The following SDCCAG8 variants were observed in gnomAD, a reference collection of about 807,000 sequenced individuals.
The protein encoded by SDCCAG8 is serologically defined colon cancer antigen 8.
Under a neutral mutation model 101.8 loss-of-function variants are expected in SDCCAG8, and 74 were observed. That is an observed-to-expected ratio of 0.73 (90% CI 0.60 to 0.88). SDCCAG8 has a LOEUF of 0.88. SDCCAG8 is among the 40% of genes least tolerant of loss of function. The pLI is 0.00. For missense variants in SDCCAG8, 787 were observed against 822.6 expected (o/e 0.96, Z 0.53); for synonymous variants, 281 against 292.9 (o/e 0.96, Z 0.41).
At chr1:243,324,879 C>T (rs980630429) in intron 9 of SDCCAG8, among the ~76,000 whole-genome samples, 1 of 152,198 alleles carries the variant, frequency 6.6e-6, no homozygotes, top group African/African-American at 2.4e-5. Context: ...GTTTCCAGAA[C>T]ATGACCTGCA....
At chr1:243,365,930 C>A (rs574447976) in intron 12 of SDCCAG8, among the ~76,000 whole-genome samples, 2 of 151,924 alleles carry the variant, frequency 1.3e-5, no homozygotes, top group Non-Finnish European at 2.9e-5. Flanking sequence ...TTTGAAATGA[C>A]CTTTAGGCTG....
chr1:243,489,060 G>A lies in SDCCAG8; in HGVS notation c.2032G>A (p.Val678Met), dbSNP rs755629522. The A allele has an allele frequency of 2.5e-6, 4 of 1,613,318 alleles. No individual in the cohort carries two copies. The African/African-American group carries it at 5.3e-5, about 22-fold the overall frequency. ...KHSQATAQQL[V>M]QLLSKQNQLL... ...CAGCCAGGCCACAGCCCAGCAGCTG[G>A]TGCAGCTCCTCAGCAAGCAGAACCA... The change falls in exon 17 of 18, where the codon GTG becomes ATG. Residue 678 changes from valine to methionine, a missense_variant. Transcript: ENST00000366541.
At chr1:243,393,657 G>T (rs2147950412) in intron 13 of SDCCAG8, among the ~76,000 whole-genome samples, 1 of 152,238 alleles carries the variant, frequency 6.6e-6, no homozygotes, top group South Asian at 2.1e-4. Flanking sequence ...TGTTTGTATG[G>T]TTCTGGCAAT....
intron 12 of SDCCAG8, among the ~76,000 whole-genome samples, chr1:243,344,795 T>C (rs1381787507): frequency 1.3e-5 from 2 of 152,220 alleles, no homozygotes; most frequent in Non-Finnish European, 2.9e-5. Flanking sequence ...TAACCATGAA[T>C]ACGTTTGTTC....
intron 16 of SDCCAG8, among the ~76,000 whole-genome samples, chr1:243,427,347 A>G (rs915006304): frequency 2.6e-5 from 4 of 152,010 alleles, no homozygotes; most frequent in Non-Finnish European, 5.9e-5. Context: ...TTTTTTGGCA[A>G]TAAACACAGC....
At chr1:243,267,360 G>T in intron 1 of SDCCAG8, 1 of 244,990 alleles carries the variant, frequency 4.1e-6, no homozygotes, top group Non-Finnish European at 8.1e-6. Context: ...ACTTTTGGAG[G>T]CTGAGACGGG....
chr1:243,346,553 G>T (rs774877409), intron 12 of SDCCAG8, among the ~76,000 whole-genome samples: 27 of 152,216 alleles, frequency 1.8e-4, no homozygotes, highest in Non-Finnish European at 3.2e-4. Context: ...ATACAAAATA[G>T]GGCAAATGGT....
chr1:243,408,704 C>G (rs2079958926), intron 13 of SDCCAG8, among the ~76,000 whole-genome samples: 1 of 152,136 alleles, frequency 6.6e-6, no homozygotes, highest in Non-Finnish European at 1.5e-5. Context: ...TGGCTGTAAC[C>G]TTTAATAACT....
At chr1:243,405,036 T>G in intron 13 of SDCCAG8, among the ~76,000 whole-genome samples, 1 of 152,016 alleles carries the variant, frequency 6.6e-6, no homozygotes, top group East Asian at 1.9e-4. Flanking sequence ...CAGCTAATTT[T>G]TGTATTTTTA....
At chr1:243,499,195 T>TTTGG (rs1668865410) in intron 17 of SDCCAG8, among the ~76,000 whole-genome samples, 2 of 152,214 alleles carry the variant, frequency 1.3e-5, no homozygotes, top group Non-Finnish European at 2.9e-5. Context: ...TGCGTAAAAC[T>TTTGG]AAGAGACCTC....
At chr1:243,356,098 C>T (rs1338017803) in intron 12 of SDCCAG8, among the ~76,000 whole-genome samples, 2 of 151,994 alleles carry the variant, frequency 1.3e-5, no homozygotes, top group South Asian at 2.1e-4. Flanking sequence ...ATGTGTATAG[C>T]AAATTAAGCT....
chr1:243,279,855 G>C (rs2068881300), intron 4 of SDCCAG8, among the ~76,000 whole-genome samples: 1 of 152,060 alleles, frequency 6.6e-6, no homozygotes, highest in Non-Finnish European at 1.5e-5. Flanking sequence ...ATATTGATCT[G>C]TAATTTTCCA....
intron 12 of SDCCAG8, chr1:243,346,256 C>T (rs1481806337): frequency 6.5e-6 from 1 of 154,338 alleles, no homozygotes; most frequent in Non-Finnish European, 1.5e-5. Context: ...TTTGCTTGGC[C>T]ACCATCTGCA....
intron 5 of SDCCAG8, among the ~76,000 whole-genome samples, chr1:243,288,290 A>C (rs1450904284): frequency 6.6e-6 from 1 of 152,052 alleles, no homozygotes; most frequent in Non-Finnish European, 1.5e-5. Context: ...TGGGCAACAT[A>C]GTGAGACCCC....
At chr1:243,372,376 G>A (rs1158581535) in intron 12 of SDCCAG8, among the ~76,000 whole-genome samples, 1 of 152,012 alleles carries the variant, frequency 6.6e-6, no homozygotes. Context: ...TAATTTTTAA[G>A]TCACATAATG....
intron 12 of SDCCAG8, among the ~76,000 whole-genome samples, chr1:243,372,878 G>C (rs1420676001): frequency 6.9e-6 from 1 of 145,568 alleles, no homozygotes; most frequent in Non-Finnish European, 1.5e-5. Context: ...CATGCCTGTA[G>C]TCCCAGCTAC....
intron 1 of SDCCAG8, among the ~76,000 whole-genome samples, chr1:243,259,243 A>G (rs1315255347): frequency 4.0e-5 from 6 of 148,708 alleles, no homozygotes; most frequent in African/African-American, 1.6e-4. Flanking sequence ...GTACTAAAAA[A>G]AAAAATACAA....
chr1:243,316,953 G>A, intron 9 of SDCCAG8, 60 bp downstream of exon 9: 2 of 1,534,466 alleles, frequency 1.3e-6, no homozygotes, highest in African/African-American at 1.4e-5. Flanking sequence ...TTTCTTCTGA[G>A]TATTTATTTG....
At chr1:243,258,934 G>A (rs2066974756) in intron 1 of SDCCAG8, among the ~76,000 whole-genome samples, 1 of 152,148 alleles carries the variant, frequency 6.6e-6, no homozygotes, top group Non-Finnish European at 1.5e-5. Context: ...ATGATTAATG[G>A]AAGCCTAATA....
Sources: gnomAD v4.1 joint callset for allele counts (sites outside exome capture counted in the v4.1 genomes callset) on GRCh38, gnomAD v4.1.1 for gene constraint, MANE v1.5 for transcripts, NCBI Gene and HGNC (gene_info 2026-07-23, HGNC 2026-07-21) for gene names.